Variants in UBR2 observed in about 807,000 individuals in gnomAD.
UBR2 encodes the protein ubiquitin protein ligase E3 component n-recognin 2.
In UBR2, 92 loss-of-function variants were observed where a neutral mutation model predicts 247.9. The ratio of observed to expected loss-of-function variants is 0.37; its 90% confidence interval spans 0.31 to 0.44. The LOEUF (loss-of-function observed/expected upper bound fraction) is 0.44, where lower values mean the gene tolerates loss of function less well. UBR2 is among the 20% of genes least tolerant of loss of function. The probability of loss-of-function intolerance (pLI) is 1.00; values close to 1 mark genes in which losing one functional copy is unlikely to be tolerated. For synonymous variants in UBR2, 672 were observed against 693.5 expected (o/e 0.97, Z 0.49); for missense variants, 1,613 against 2,112.6 (o/e 0.76, Z 4.64).
intron 30 of UBR2, among the ~76,000 whole-genome samples, chr6:42,660,469 CGTGT>C (rs1429237158): frequency 1.3e-5 from 2 of 152,042 alleles, no homozygotes; most frequent in African/African-American, 4.8e-5. Context: ...GCTCTGTGTG[CGTGT>C]GCTTCAGCGA....
chr6:42,607,348 A>G (rs570173561), intron 7 of UBR2, among the ~76,000 whole-genome samples: 2 of 151,822 alleles, frequency 1.3e-5, no homozygotes, highest in East Asian at 3.9e-4. Flanking sequence ...TTGTATTTCT[A>G]GTAGAGATGG....
At chr6:42,684,261 C>G (rs1032689537) in intron 43 of UBR2, among the ~76,000 whole-genome samples, 1 of 152,102 alleles carries the variant, frequency 6.6e-6, no homozygotes, top group African/African-American at 2.4e-5. Context: ...AAAATTCCCC[C>G]AAGTGATTTT....
intron 2 of UBR2, among the ~76,000 whole-genome samples, chr6:42,576,522 C>CT (rs58739895): frequency 0.031 from 2,707 of 86,070 alleles, 47 homozygotes; most frequent in Non-Finnish European, 0.039. Flanking sequence ...GCCTTTCCCT[C>CT]TTTTTTTTTT....
chr6:42,584,939 G>T (rs1190263980), intron 2 of UBR2, among the ~76,000 whole-genome samples: 1 of 152,042 alleles, frequency 6.6e-6, no homozygotes, highest in African/African-American at 2.4e-5. Context: ...TTCTATGAAT[G>T]GAGACAGTTT....
At chr6:42,608,571 A>G (rs1472561958) in intron 7 of UBR2, among the ~76,000 whole-genome samples, 1 of 152,204 alleles carries the variant, frequency 6.6e-6, no homozygotes, top group Non-Finnish European at 1.5e-5. Flanking sequence ...CCAAGGGTAT[A>G]GTGAGCTTTG....
rs536017619 is a variant in UBR2 at position 42,611,239 on chromosome 6, G to C, written c.865-932G>C. 7.0e-4 allele frequency among the ~76,000 whole-genome samples: 106 copies of C among 151,474 alleles called. 1 individual carries two copies. Among genetic ancestry groups the C allele is most frequent in the Middle Eastern group, 6.8e-3 (2 of 294 alleles). ...GCACTTTGGGAGGCCGAGGTGGGGG[G>C]ATCACGAGATCAAGAGATCGAGACC... On this transcript the variant is annotated intron_variant, in intron 7 of 46. Coordinates refer to ENST00000372901, the MANE Select transcript of UBR2 (RefSeq NM_001363705.2).
rs1797680452 is a variant in UBR2, at chr6:42,659,565, CACACACACACACAT to C, written c.3243-88_3243-75del. 5.7e-6 allele frequency: 3 copies of C among 527,924 alleles called. No homozygotes were observed. The African/African-American group carries it at 6.1e-5, about 11-fold the overall frequency. 32.7% of individuals were successfully genotyped at this position (527,924 alleles called of 1,614,324 possible). On this transcript the variant is annotated intron_variant, in intron 29 of 46. Transcript: ENST00000372901. This position sits in a 1 kb window ranked among gnomAD's most constrained non-coding sequence, Gnocchi z 4.3. The stretch of plus-strand genomic sequence containing the variant: ...CACACACACACACACACACACACTA[CACACACACACACAT>C]ACCTGTAGTCTGCTATTTTGTGATT...
intron 4 of UBR2, among the ~76,000 whole-genome samples, chr6:42,598,601 T>C (rs998121796): frequency 1.3e-5 from 2 of 152,184 alleles, no homozygotes; most frequent in African/African-American, 2.4e-5. Context: ...GGTGGTGAGA[T>C]GTACCTCTCC....
intron 14 of UBR2, 141 bp from the exon 15 acceptor site, chr6:42,636,870 G>A: frequency 3.7e-6 from 3 of 801,996 alleles, no homozygotes; most frequent in Non-Finnish European, 3.8e-6. Context: ...CTGGAAGAGG[G>A]ACCAAATTTG....
Position 42,659,542 on chromosome 6 carries a change from C to T in UBR2, c.3243-114C>T, listed in dbSNP as rs1429591576. 1.7e-5 allele frequency: 12 copies of T among 705,156 alleles called. No individual in the cohort carries two copies. The highest frequency in any genetic ancestry group is 1.1e-4 in the Admixed American group (4 of 37,726). The allele number at this position is 705,156 out of a possible 1,614,324, so 43.7% of individuals were successfully genotyped here. On this transcript the variant is annotated intron_variant, in intron 29 of 46. Transcript: ENST00000372901. The surrounding 1 kb of genome is among the most constrained non-coding windows in gnomAD (Gnocchi z 4.3). The stretch of plus-strand genomic sequence containing the variant: ...ATATACACACACACACACACACACA[C>T]ACACACACACACACACACACTACAC...
intron 2 of UBR2, among the ~76,000 whole-genome samples, chr6:42,586,538 C>CTTTTTTTTTTTT (rs147830824): frequency 2.8e-4 from 27 of 97,250 alleles, no homozygotes; most frequent in Non-Finnish European, 3.9e-4. Flanking sequence ...GTTTGTCTCT[C>CTTTTTTTTTTTT]TTTTTTTTTT....
chr6:42,676,346 T>C (rs1193514121), intron 39 of UBR2, among the ~76,000 whole-genome samples, 155 bp downstream of exon 39: 2 of 152,252 alleles, frequency 1.3e-5, no homozygotes, highest in Non-Finnish European at 2.9e-5. Flanking sequence ...TTGAAACATT[T>C]CTTTCTCCTC....
intron 2 of UBR2, among the ~76,000 whole-genome samples, chr6:42,581,174 G>A (rs886087567): frequency 7.0e-6 from 1 of 143,730 alleles, no homozygotes; most frequent in African/African-American, 2.7e-5. Flanking sequence ...TCACTATGTT[G>A]ACTAATTTTC....
intron 33 of UBR2, 107 bp from the exon 34 acceptor site, chr6:42,666,060 T>C: frequency 1.1e-6 from 1 of 881,552 alleles, no homozygotes; most frequent in East Asian, 2.7e-5. Flanking sequence ...CCAGTTTTTA[T>C]TAGGGAATTT....
At chr6:42,687,248 C>T (rs1043397695) in intron 44 of UBR2, among the ~76,000 whole-genome samples, 10 of 152,328 alleles carry the variant, frequency 6.6e-5, no homozygotes, top group Admixed American at 2.0e-4. Flanking sequence ...CTCGGGAGGC[C>T]GAGGCTGGCA....
At chr6:42,640,028 A>C (rs1796330356) in intron 15 of UBR2, among the ~76,000 whole-genome samples, 181 bp from the exon 16 acceptor site, 1 of 152,206 alleles carries the variant, frequency 6.6e-6, no homozygotes, top group Non-Finnish European at 1.5e-5. Flanking sequence ...CTCCGTCTCA[A>C]AAAATTAATA....
chr6:42,565,591 G>A (rs760054491), intron 1 of UBR2, among the ~76,000 whole-genome samples: 6 of 151,996 alleles, frequency 3.9e-5, no homozygotes, highest in Non-Finnish European at 8.8e-5. Flanking sequence ...ACGGAGTTTC[G>A]CTTTCGATGC....
At chr6:42,644,808 G>A (rs939998666) in intron 20 of UBR2, among the ~76,000 whole-genome samples, 3 of 152,016 alleles carry the variant, frequency 2.0e-5, no homozygotes, top group Non-Finnish European at 4.4e-5. Context: ...GGGGAGCGGG[G>A]GACAGGAGAA....
rs1458151057 is a variant in UBR2 at position 42,619,440 on chromosome 6, TATATATATATA to T, written c.1281+1934_1281+1944del. ...ATATATATATATATATATATATATATATATATATATATATTTTTTTTTTTTAGTTCTCTATC... is the reference window on the plus strand; with the variant it reads ...ATATATATATATATATATATATATATTATTTTTTTTTTTTAGTTCTCTATC... On this transcript the variant is annotated intron_variant, in intron 11 of 46. Coordinates refer to ENST00000372901, the MANE Select transcript of UBR2 (RefSeq NM_001363705.2). 3.2e-3 allele frequency: 106 copies of T among 33,178 alleles called. 7 individuals are homozygous for T. The highest frequency in any genetic ancestry group is 8.0e-3 in the South Asian group (8 of 1,006). The allele number at this position is 33,178 out of a possible 1,614,324, so 2.1% of individuals were successfully genotyped here. A position where few individuals can be genotyped will look rare whatever the true frequency, so the allele number is the denominator to read the frequency against.
Sources: gnomAD v4.1 joint callset for allele counts (sites outside exome capture counted in the v4.1 genomes callset) on GRCh38, gnomAD v4.1.1 for gene constraint, Gnocchi (gnomAD v3.1) non-coding constraint, MANE v1.5 for transcripts, NCBI Gene and HGNC (gene_info 2026-07-23, HGNC 2026-07-21) for gene names.